NRXN3: variants seen among roughly 807,000 people sequenced by gnomAD.
NRXN3 encodes neurexin 3, also known as neurexin III.
Under a neutral mutation model 137.6 loss-of-function variants are expected in NRXN3, and 32 were observed. The observed-to-expected ratio is 0.23, with a 90% confidence interval of 0.18 to 0.31. The LOEUF is 0.31. Ranked by LOEUF, NRXN3 falls within the 10% of genes least tolerant of loss-of-function variation. NRXN3 has a pLI of 1.00. For synonymous variants in NRXN3, 798 were observed against 784.5 expected (o/e 1.02, Z -0.29); for missense variants, 1,574 against 2,062.5 (o/e 0.76, Z 4.59).
intron 10 of NRXN3, among the ~76,000 whole-genome samples, chr14:78,817,566 G>A (rs1408858931): frequency 6.6e-6 from 1 of 152,188 alleles, no homozygotes; most frequent in East Asian, 1.9e-4. Flanking sequence ...GTGGCTGAAA[G>A]TTTCAAGAGC....
intron 15 of NRXN3, among the ~76,000 whole-genome samples, chr14:79,226,982 A>G (rs962071572): frequency 3.3e-5 from 5 of 150,910 alleles, no homozygotes; most frequent in African/African-American, 1.2e-4. Flanking sequence ...CACCACACCC[A>G]GCTAATTTTT....
At chr14:79,017,446 A>G (rs1043036951) in intron 15 of NRXN3, among the ~76,000 whole-genome samples, 1 of 151,748 alleles carries the variant, frequency 6.6e-6, no homozygotes, top group East Asian at 1.9e-4. Context: ...GCCGTTATCA[A>G]CTTTATACAT....
intron 16 of NRXN3, among the ~76,000 whole-genome samples, chr14:79,541,546 G>T (rs2097272777): frequency 6.6e-6 from 1 of 152,018 alleles, no homozygotes; most frequent in Non-Finnish European, 1.5e-5. Context: ...ATCTTTTGGG[G>T]AGACACTATT....
intron 4 of NRXN3, among the ~76,000 whole-genome samples, chr14:78,329,784 T>C (rs2080564288): frequency 6.6e-6 from 1 of 152,224 alleles, no homozygotes; most frequent in African/African-American, 2.4e-5. Flanking sequence ...GTTTTCTCTC[T>C]GCTCTTTAAA....
At chr14:78,839,815 C>T (rs2099007037) in intron 10 of NRXN3, among the ~76,000 whole-genome samples, 1 of 152,192 alleles carries the variant, frequency 6.6e-6, no homozygotes, top group Non-Finnish European at 1.5e-5. Flanking sequence ...ACCACATCTG[C>T]ATGCATAAAC....
At position 79,613,903 on chromosome 14, in the gene NRXN3, G is replaced by A. The variant is rs114746314; in HGVS notation, c.3445-49875G>A. Reference sequence around the variant, plus strand: ...TGATGCCTCTACCACACCGCAGTGCGGTTAATCCAGCATTCGACTTAGTCG... The same window carrying A: ...TGATGCCTCTACCACACCGCAGTGCAGTTAATCCAGCATTCGACTTAGTCG... On this transcript the variant is annotated intron_variant, in intron 16 of 20. Transcript: ENST00000335750. Among the ~76,000 whole-genome samples the A allele has an allele frequency of 9.0e-3, 1,371 of 152,322 alleles. 19 individuals carry two copies. Among genetic ancestry groups the A allele is most frequent in the African/African-American group, 0.031 (1,305 of 41,550 alleles).
At chr14:78,265,100 C>T (rs2071472632) in intron 2 of NRXN3, among the ~76,000 whole-genome samples, 1 of 152,228 alleles carries the variant, frequency 6.6e-6, no homozygotes, top group Non-Finnish European at 1.5e-5. Context: ...TTTCTGAATA[C>T]TAAAAATGTT....
At chr14:79,491,030 C>T (rs1396778887) in intron 16 of NRXN3, among the ~76,000 whole-genome samples, 1 of 152,148 alleles carries the variant, frequency 6.6e-6, no homozygotes, top group Non-Finnish European at 1.5e-5. Context: ...TATTACTTCT[C>T]AAGCACTGAC....
rs140582370 is a variant in NRXN3, at chr14:79,026,168, G to T, written c.3262+38027G>T. Among the ~76,000 whole-genome samples, 75 of 152,234 alleles carry T rather than the reference G, an allele frequency of 4.9e-4. 1 individual carries two copies. The highest frequency in any genetic ancestry group is 1.7e-3 in the African/African-American group (71 of 41,552). On this transcript the variant is annotated intron_variant, in intron 15 of 20. Coordinates refer to ENST00000335750, the MANE Select transcript of NRXN3 (RefSeq NM_001330195.2). ...AGTAAATAAGCCTATAGTATAAGGCGCAGCAAAGCTTAATGAATAGATTTT... is the reference window on the plus strand; with the variant it reads ...AGTAAATAAGCCTATAGTATAAGGCTCAGCAAAGCTTAATGAATAGATTTT...
intron 18 of NRXN3, among the ~76,000 whole-genome samples, chr14:79,697,200 GT>G (rs539256825): frequency 6.6e-6 from 1 of 151,854 alleles, no homozygotes; most frequent in South Asian, 2.1e-4. Flanking sequence ...ACCTCACTGA[GT>G]TTTTTTGGCC....
At chr14:78,199,720 T>C (rs1371412453) in intron 1 of NRXN3, among the ~76,000 whole-genome samples, 1 of 152,208 alleles carries the variant, frequency 6.6e-6, no homozygotes, top group Non-Finnish European at 1.5e-5. Flanking sequence ...TTCCTGGCTC[T>C]ATCTGTGCCC....
At chr14:78,263,750 A>G (rs1436836108) in intron 2 of NRXN3, among the ~76,000 whole-genome samples, 1 of 152,152 alleles carries the variant, frequency 6.6e-6, no homozygotes, top group Non-Finnish European at 1.5e-5. Context: ...TTTCTGCCAC[A>G]TCCAATTTTC....
At chr14:79,632,097 C>G (rs557169391) in intron 16 of NRXN3, among the ~76,000 whole-genome samples, 82 of 152,276 alleles carry the variant, frequency 5.4e-4, no homozygotes, top group African/African-American at 1.9e-3. Flanking sequence ...AATCTTGCTG[C>G]TACTCACTCT....
At chr14:78,462,707 C>T (rs1050820563) in intron 4 of NRXN3, among the ~76,000 whole-genome samples, 7 of 152,190 alleles carry the variant, frequency 4.6e-5, no homozygotes, top group Non-Finnish European at 7.3e-5. Flanking sequence ...CATAACATAG[C>T]TATAATTAAA....
intron 10 of NRXN3, among the ~76,000 whole-genome samples, chr14:78,925,911 A>G (rs577971893): frequency 1.2e-4 from 19 of 152,316 alleles, no homozygotes; most frequent in African/African-American, 4.3e-4. Context: ...CCCATTGTAG[A>G]GAGGATTAAT....
intron 4 of NRXN3, among the ~76,000 whole-genome samples, chr14:78,582,704 A>G (rs1027154946): frequency 6.6e-5 from 10 of 152,190 alleles, no homozygotes; most frequent in African/African-American, 2.4e-4. Flanking sequence ...ATCTGGAACT[A>G]TGAGAAATCA....
At chr14:78,360,005 C>T (rs2153604396) in intron 4 of NRXN3, among the ~76,000 whole-genome samples, 1 of 152,292 alleles carries the variant, frequency 6.6e-6, no homozygotes, top group Admixed American at 6.5e-5. Context: ...AAGTACTATA[C>T]CCTTCACCAA....
chr14:79,201,982 T>C (rs1002478315), intron 15 of NRXN3, among the ~76,000 whole-genome samples: 1 of 152,204 alleles, frequency 6.6e-6, no homozygotes, highest in Non-Finnish European at 1.5e-5. Context: ...GGATTTAAAC[T>C]TGGGTCCAAA....
At chr14:79,723,788 C>G (rs1023672865) in intron 19 of NRXN3, among the ~76,000 whole-genome samples, 5 of 152,118 alleles carry the variant, frequency 3.3e-5, no homozygotes, top group African/African-American at 1.2e-4. Flanking sequence ...AACCTCTGAG[C>G]TAGAAAAACC....
Sources: gnomAD v4.1 joint callset for allele counts (sites outside exome capture counted in the v4.1 genomes callset) on GRCh38, gnomAD v4.1.1 for gene constraint, MANE v1.5 for transcripts, NCBI Gene and HGNC (gene_info 2026-07-23, HGNC 2026-07-21) for gene names.